The following GNAI1 variants were observed in gnomAD, a reference collection of about 807,000 sequenced individuals.
GNAI1 encodes guanine nucleotide-binding protein G(i) subunit alpha-1.
GNAI1 carries 11 observed loss-of-function variants against 38.9 expected under a neutral mutation model. That is an observed-to-expected ratio of 0.28 (90% CI 0.18 to 0.47). The LOEUF (loss-of-function observed/expected upper bound fraction) is 0.47, where lower values mean the gene tolerates loss of function less well. GNAI1 is among the 20% of genes least tolerant of loss of function. The pLI, the probability that GNAI1 is intolerant of heterozygous loss-of-function variation, is 0.99. For missense variants in GNAI1, 317 were observed against 436.9 expected (o/e 0.73, Z 2.45); for synonymous variants, 166 against 145.1 (o/e 1.14, Z -1.04).
intron 1 of GNAI1, among the ~76,000 whole-genome samples, chr7:80,153,155 C>T (rs1787757563): frequency 6.6e-6 from 1 of 152,086 alleles, no homozygotes; most frequent in African/African-American, 2.4e-5. Context: ...GACAGGCCAG[C>T]CCCTGCATGA....
At chr7:80,187,090 A>G (rs1252096116) in intron 1 of GNAI1, 1 of 152,168 alleles carries the variant, frequency 6.6e-6, no homozygotes, top group Non-Finnish European at 1.5e-5. Context: ...AATTTCTTAC[A>G]TATCAAACCA....
chr7:80,203,289 G>C (rs936166137), intron 4 of GNAI1, among the ~76,000 whole-genome samples: 1 of 152,008 alleles, frequency 6.6e-6, no homozygotes, highest in African/African-American at 2.4e-5. Flanking sequence ...CCAAAATTAA[G>C]ACTTTAAAAA....
chr7:80,180,236 A>G (rs1301761742), intron 1 of GNAI1, among the ~76,000 whole-genome samples: 1 of 152,160 alleles, frequency 6.6e-6, no homozygotes, highest in Non-Finnish European at 1.5e-5. Flanking sequence ...TTATTTTCAT[A>G]AATGTGTATG....
chr7:80,217,237 A>ACTTCAGTTTCATATGTATGAACCTGC, intron 7 of GNAI1, 66 bp from the exon 8 acceptor site: 1 of 1,037,956 alleles, frequency 9.6e-7, no homozygotes, highest in Non-Finnish European at 1.4e-6. Flanking sequence ...TATGAAACTG[A>ACTTCAGTTTCATATGTATGAACCTGC]ATTCAGTATT....
Position 80,200,324 on chromosome 7 carries a change from C to CAAAAAAAAAAAAAAAAAAAAA in GNAI1, c.461+945_461+965dup, listed in dbSNP as rs59511755. Among the ~76,000 whole-genome samples, 4 of 40,374 alleles carry CAAAAAAAAAAAAAAAAAAAAA rather than the reference C, an allele frequency of 9.9e-5. 1 individual carries two copies. Among genetic ancestry groups the CAAAAAAAAAAAAAAAAAAAAA allele is most frequent in the African/African-American group, 6.6e-4 (4 of 6,044 alleles). 26.5% of individuals were successfully genotyped at this position (40,374 alleles called of 152,430 possible). ...CTGGAGATGGAGTGAGGCCATGTCT[C>CAAAAAAAAAAAAAAAAAAAAA]AAAAAAAAAAAAAAAAAAAAAAACC... is the stretch of plus-strand genomic sequence containing the variant. On this transcript the variant is annotated intron_variant, in intron 4 of 7. Transcript: ENST00000649796.
Position 80,182,892 on chromosome 7 carries a change from C to G in GNAI1, c.119-6059C>G, listed in dbSNP as rs577177415. On this transcript the variant is annotated intron_variant, in intron 1 of 7. Transcript: ENST00000649796. ...ACCTTTACTGTGGTAATTGGGATGA[C>G]CATCATGTTAGCTAATTGGCCTCAT... Among the ~76,000 whole-genome samples the G allele has an allele frequency of 2.6e-5, 4 of 152,246 alleles. No homozygotes were observed. In the East Asian group the frequency reaches 7.7e-4, roughly 29 times the overall value.
rs1789047418 is a variant in GNAI1 at position 80,220,223 on chromosome 7, C to A, written c.*2730C>A. Among the ~76,000 whole-genome samples the A allele has an allele frequency of 1.4e-5, 2 of 139,132 alleles. No individual in the cohort carries two copies. The highest frequency in any genetic ancestry group is 4.2e-4 in the South Asian group (2 of 4,734). The allele number at this position is 139,132 out of a possible 152,430, so 91.3% of individuals were successfully genotyped here. A position where few individuals can be genotyped will look rare whatever the true frequency, so the allele number is the denominator to read the frequency against. Reference sequence around the variant, plus strand: ...CCTGTGCATAACCTGGGCTTTCCTCCAAGTACTGTATTACTTACTACATGT... The same window carrying A: ...CCTGTGCATAACCTGGGCTTTCCTCAAAGTACTGTATTACTTACTACATGT... On this transcript the variant is annotated 3_prime_UTR_variant, in exon 8 of 8. Transcript: ENST00000649796.
intron 7 of GNAI1, among the ~76,000 whole-genome samples, chr7:80,213,655 T>A (rs1262457281): frequency 6.6e-6 from 1 of 152,164 alleles, no homozygotes; most frequent in Non-Finnish European, 1.5e-5. Flanking sequence ...CACCACCTTA[T>A]AACTTTTTCA....
chr7:80,217,239 T>TGTATGAAACTGAAG, intron 7 of GNAI1, 64 bp from the exon 8 acceptor site: 4 of 1,053,054 alleles, frequency 3.8e-6, no homozygotes, highest in African/African-American at 1.6e-5. Context: ...TGAAACTGAA[T>TGTATGAAACTGAAG]TCAGTATTTT....
At chr7:80,164,201 C>A (rs1307174451) in intron 1 of GNAI1, among the ~76,000 whole-genome samples, 1 of 151,392 alleles carries the variant, frequency 6.6e-6, no homozygotes, top group Non-Finnish European at 1.5e-5. Flanking sequence ...TGCGCCACCA[C>A]ATCCAGCTAA....
At position 80,212,815 on chromosome 7, in the gene GNAI1, T is replaced by A. The variant is rs535650213; in HGVS notation, c.820T>A (p.Phe274Ile). ...ACTTTTTCTAAACAAGAAGGATCTCTTTGAAGAAAAAATCAAAAAGAGCCC... is the reference window on the plus strand; with the variant it reads ...ACTTTTTCTAAACAAGAAGGATCTCATTGAAGAAAAAATCAAAAAGAGCCC... ...IILFLNKKDL[F>I]EEKIKKSPLT... The change falls in exon 7 of 8, where the codon TTT becomes ATT. Residue 274 changes from phenylalanine to isoleucine, a missense_variant. By Grantham distance (21) the Phe-to-Ile change is conservative. Around this residue, in one of 5 missense-constraint regions of GNAI1, gnomAD observed 158 missense variants for 234.7 expected, o/e 0.67. Transcript: ENST00000649796. The A allele has an allele frequency of 1.3e-6, 2 of 1,582,596 alleles. No individual in the cohort carries two copies. The highest frequency in any genetic ancestry group is 4.6e-5 in the East Asian group (2 of 43,594).
At chr7:80,149,113 G>A (rs1049056798) in intron 1 of GNAI1, among the ~76,000 whole-genome samples, 14 of 151,946 alleles carry the variant, frequency 9.2e-5, no homozygotes, top group African/African-American at 3.1e-4. Flanking sequence ...TTCTTTTCTC[G>A]ATGTATTTTG....
At chr7:80,213,872 T>A (rs1278595989) in intron 7 of GNAI1, among the ~76,000 whole-genome samples, 1 of 152,044 alleles carries the variant, frequency 6.6e-6, no homozygotes, top group Non-Finnish European at 1.5e-5. Flanking sequence ...CAAGAATTTG[T>A]TTTTTTATAA....
chr7:80,141,120 G>C (rs1034702), intron 1 of GNAI1, among the ~76,000 whole-genome samples: 1 of 152,158 alleles, frequency 6.6e-6, no homozygotes, highest in African/African-American at 2.4e-5. Flanking sequence ...CTTTTGCCCT[G>C]TGAGGTGACA....
chr7:80,164,016 CTTCT>C (rs1464583034), intron 1 of GNAI1, among the ~76,000 whole-genome samples: 5 of 123,306 alleles, frequency 4.1e-5, no homozygotes, highest in African/African-American at 9.1e-5. Context: ...TGTCACCAGG[CTTCT>C]TTGTCAAACT....
rs184900630 is a variant in GNAI1 at position 80,221,344 on chromosome 7, A to G, written c.*3851A>G. 1.7e-3 allele frequency among the ~76,000 whole-genome samples: 262 copies of G among 152,334 alleles called. No individual in the cohort carries two copies. Among genetic ancestry groups the G allele is most frequent in the Middle Eastern group, 6.8e-3 (2 of 294 alleles). Reference sequence around the variant, plus strand: ...TTAAGTACCTAGAGGGGAGTGTGGAATGTATAAGCCGTCAATACAATTTGC... The same window carrying G: ...TTAAGTACCTAGAGGGGAGTGTGGAGTGTATAAGCCGTCAATACAATTTGC... On this transcript the variant is annotated 3_prime_UTR_variant, in exon 8 of 8. Transcript: ENST00000649796.
intron 1 of GNAI1, among the ~76,000 whole-genome samples, chr7:80,165,826 C>G (rs1788002638): frequency 1.3e-5 from 2 of 152,064 alleles, no homozygotes; most frequent in Admixed American, 1.3e-4. Context: ...GATAAAAAAT[C>G]AAGGTTAATA....
intron 1 of GNAI1, among the ~76,000 whole-genome samples, chr7:80,158,027 C>A (rs553003705): frequency 6.6e-6 from 1 of 152,032 alleles, no homozygotes; most frequent in African/African-American, 2.4e-5. Flanking sequence ...TATTTTTATA[C>A]GCTTATTTTC....
At chr7:80,192,225 T>G (rs146508104) in intron 3 of GNAI1, among the ~76,000 whole-genome samples, 242 of 152,304 alleles carry the variant, frequency 1.6e-3, no homozygotes, top group South Asian at 3.9e-3. Context: ...ATGGCATTCT[T>G]CACCTTATAA....
Sources: allele counts gnomAD v4.1 joint callset (sites outside exome capture counted in the v4.1 genomes callset), GRCh38; gene constraint gnomAD v4.1.1; regional missense constraint gnomAD v4.1.1; transcripts MANE v1.5; gene names NCBI Gene and HGNC (gene_info 2026-07-23, HGNC 2026-07-21).